Variants in DHRS1 observed in about 807,000 individuals in gnomAD.
DHRS1 encodes dehydrogenase/reductase SDR family member 1.
In DHRS1, 34 loss-of-function variants were observed where a neutral mutation model predicts 35.2. The observed-to-expected ratio is 0.97, with a 90% CI of 0.74 to 1.29. The LOEUF (loss-of-function observed/expected upper bound fraction) is 1.29, where lower values mean the gene tolerates loss of function less well. Ranked by LOEUF, DHRS1 falls within the 50% of genes most tolerant of loss-of-function variation. DHRS1 has a pLI of 0.00. For missense variants in DHRS1, 354 were observed against 403.6 expected, an observed-to-expected ratio of 0.88 and a Z score of 1.05; for synonymous variants, 133 against 160.0, an observed-to-expected ratio of 0.83 and a Z score of 1.27.
At chr14:24,297,550 A>AC (rs1252491860) in intron 2 of DHRS1, among the ~76,000 whole-genome samples, 1 of 151,982 alleles carries the variant, frequency 6.6e-6, no homozygotes, top group Non-Finnish European at 1.5e-5. Context: ...GACTCACCTG[A>AC]CCTCCAGTCT....
At chr14:24,295,559 G>C (rs1349216110) in intron 4 of DHRS1, among the ~76,000 whole-genome samples, 1 of 152,204 alleles carries the variant, frequency 6.6e-6, no homozygotes. Flanking sequence ...GCCCAAGGTC[G>C]AGGGTCTGGG....
chr14:24,292,148 CCT>C (rs762419557), intron 6 of DHRS1, 34 bp downstream of exon 6: 2 of 1,613,680 alleles, frequency 1.2e-6, no homozygotes, highest in Non-Finnish European at 1.7e-6. Context: ...GGCCGACTCC[CCT>C]GTTCTCTGCT....
At chr14:24,291,786 A>C in intron 6 of DHRS1, 161 bp from the exon 7 acceptor site, 2 of 711,760 alleles carry the variant, frequency 2.8e-6, no homozygotes, top group South Asian at 3.3e-5. Context: ...CAGGTGCCAG[A>C]GCCACTCCTC....
At chr14:24,296,115 T>C (rs751166156) in intron 4 of DHRS1, among the ~76,000 whole-genome samples, 14 of 152,158 alleles carry the variant, frequency 9.2e-5, no homozygotes, top group Admixed American at 5.2e-4. Context: ...CTAAACAGCA[T>C]TGGTGTTCGC....
chr14:24,296,446 G>T, intron 4 of DHRS1, 63 bp downstream of exon 4: 1 of 1,518,884 alleles, frequency 6.6e-7, no homozygotes, highest in Non-Finnish European at 9.1e-7. Context: ...TGTAAGGAAA[G>T]GCCTGGCCGT....
intron 6 of DHRS1, chr14:24,291,962 G>T: frequency 1.6e-6 from 1 of 631,516 alleles, no homozygotes; most frequent in Non-Finnish European, 2.7e-6. Context: ...GGACATATGT[G>T]ACCTTCAACA....
chr14:24,296,933 T>A (rs1460949142), intron 2 of DHRS1, 52 bp from the exon 3 acceptor site: 1 of 1,609,568 alleles, frequency 6.2e-7, no homozygotes, highest in African/African-American at 1.3e-5. Context: ...GTGTGAGTCA[T>A]GACAAAACTC....
chr14:24,298,980 T>C lies in DHRS1; in HGVS notation c.127A>G (p.Thr43Ala). Residue 43 changes from threonine to alanine, a missense_variant, in exon 2 of 9, where the codon ACC (threonine) becomes GCC (alanine). Thr to Ala is a moderately conservative substitution (Grantham distance 58). Coordinates refer to ENST00000288111, the MANE Select transcript of DHRS1 (RefSeq NM_001136050.3). ...TVYITGRHLDTLRVVAQEAQS... is the reference protein window; with the variant it reads ...TVYITGRHLDALRVVAQEAQS... ...ACCTCCTGAGCAACAACGCGAAGGG[T>C]GTCCAGATGGCGGCCAGTGATGTAA... 1 of 1,612,296 alleles carries C rather than the reference T, an allele frequency of 6.2e-7. No homozygotes were observed. Among genetic ancestry groups the C allele is most frequent in the Non-Finnish European group, 8.5e-7 (1 of 1,178,558 alleles).
Position 24,290,844 on chromosome 14 carries a change from G to A in DHRS1, c.*15C>T, listed in dbSNP as rs2041145287. On this transcript the variant is annotated 3_prime_UTR_variant, in exon 9 of 9. Transcript: ENST00000288111. ...ATGAGAAGACAAGCAGAGACGTAGT[G>A]TCAGACCAGGAGGGTTAGAACTTGC... 1.2e-6 allele frequency: 2 copies of A among 1,613,562 alleles called. No homozygotes were observed. Among genetic ancestry groups the A allele is most frequent in the Non-Finnish European group, 1.7e-6 (2 of 1,179,860 alleles).
chr14:24,297,627 A>C (rs1006895568), intron 2 of DHRS1, among the ~76,000 whole-genome samples: 2 of 152,142 alleles, frequency 1.3e-5, no homozygotes, highest in African/African-American at 4.8e-5. Context: ...ACCCTGTTCA[A>C]AATCTCCTAA....
intron 7 of DHRS1, 134 bp from the exon 8 acceptor site, chr14:24,291,353 T>C: frequency 1.7e-6 from 2 of 1,144,638 alleles, no homozygotes; most frequent in Non-Finnish European, 2.6e-6. Context: ...TCTTGGGCCT[T>C]GGACTTTTTC....
At chr14:24,296,982 A>G in intron 2 of DHRS1, 101 bp from the exon 3 acceptor site, 9 of 1,509,960 alleles carry the variant, frequency 6.0e-6, no homozygotes, top group South Asian at 3.5e-5. Flanking sequence ...AAGACAATCA[A>G]TCCTAGGAGA....
In DHRS1 at chr14:24,292,239, A is replaced by C. The variant is rs1391184958; in HGVS notation, c.599T>G (p.Leu200Arg). The change falls in exon 6 of 9, where the codon CTG (leucine) becomes CGG (arginine). Residue 200 changes from leucine (L) to arginine (R), a missense_variant. Coordinates refer to ENST00000288111, the MANE Select transcript of DHRS1 (RefSeq NM_001136050.3). ...CTCCTTTGCCATATGCTCCTTCAGCAGTTCTGTCTGCACAATCCCCGGCCA... is the reference window on the plus strand; with the variant it reads ...CTCCTTTGCCATATGCTCCTTCAGCCGTTCTGTCTGCACAATCCCCGGCCA... Reference protein sequence around the residue: ...SLWPGIVQTELLKEHMAKEEV... With the variant: ...SLWPGIVQTERLKEHMAKEEV... 3 of 1,613,942 alleles carry C rather than the reference A, an allele frequency of 1.9e-6. No homozygotes were observed. Among genetic ancestry groups the C allele is most frequent in the African/African-American group, 1.3e-5 (1 of 74,872 alleles).
At chr14:24,297,022 C>T (rs983139401) in intron 2 of DHRS1, 141 bp from the exon 3 acceptor site, 54 of 1,124,282 alleles carry the variant, frequency 4.8e-5, no homozygotes, top group Admixed American at 4.5e-4. Flanking sequence ...TGGCAGGCAA[C>T]GCTGCCCTCT....
chr14:24,299,286 CG>C, intron 1 of DHRS1, 156 bp from the exon 2 acceptor site: 1 of 660,456 alleles, frequency 1.5e-6, no homozygotes, highest in East Asian at 2.9e-5. Context: ...CAACTGGGTG[CG>C]GGCCTGAGGA....
intron 4 of DHRS1, 22 bp downstream of exon 4, chr14:24,296,487 G>T: frequency 6.2e-7 from 1 of 1,613,562 alleles, no homozygotes; most frequent in South Asian, 1.1e-5. Context: ...GGGAACATGG[G>T]TCCTGGCAGT....
Position 24,290,799 on chromosome 14 carries a change from G to A in DHRS1, c.*60C>T. 1 of 1,602,984 alleles carries A rather than the reference G, an allele frequency of 6.2e-7. No individual in the cohort carries two copies. Among genetic ancestry groups the A allele is most frequent in the East Asian group, 2.2e-5 (1 of 44,732 alleles). On this transcript the variant is annotated 3_prime_UTR_variant, in exon 9 of 9. Transcript: ENST00000288111. ...GAAAGGCTGCTGTTTCACTGAGACA[G>A]GACGAACCACCAAGTCCAAATGAGA...
chr14:24,299,421 A>G, intron 1 of DHRS1, 160 bp downstream of exon 1: 1 of 279,142 alleles, frequency 3.6e-6, no homozygotes. Context: ...CTGGCGCGGC[A>G]GCCCCTCGGG....
Position 24,290,802 on chromosome 14 carries a change from C to T in DHRS1, c.*57G>A, listed in dbSNP as rs1387852666. On this transcript the variant is annotated 3_prime_UTR_variant, in exon 9 of 9. Transcript: ENST00000288111. ...AGGCTGCTGTTTCACTGAGACAGGA[C>T]GAACCACCAAGTCCAAATGAGAAGA... 3.1e-6 allele frequency: 5 copies of T among 1,605,094 alleles called. No homozygotes were observed. The South Asian group carries it at 3.3e-5, about 11-fold the overall frequency.
Sources: allele counts gnomAD v4.1 joint callset (sites outside exome capture counted in the v4.1 genomes callset), GRCh38; gene constraint gnomAD v4.1.1; transcripts MANE v1.5; gene names NCBI Gene and HGNC (gene_info 2026-07-23, HGNC 2026-07-21).